Variants in DNAH8 observed in about 807,000 individuals in gnomAD.
The protein encoded by DNAH8 is axonemal beta dynein heavy chain 8.
A neutral mutation model predicts 562.1 loss-of-function variants in DNAH8; 382 were observed. The observed-to-expected ratio is 0.68, with a 90% CI of 0.63 to 0.74. The LOEUF is 0.74. DNAH8 is among the 30% of genes least tolerant of loss of function. The pLI is 0.00. For synonymous variants in DNAH8, 1,881 were observed against 1,919.4 expected (o/e 0.98, Z 0.52); for missense variants, 5,203 against 5,620.4 (o/e 0.93, Z 2.37).
rs111784032 is a variant in DNAH8 at position 38,794,311 on chromosome 6, A to ATT, written c.2901+2650_2901+2651dup. Among the ~76,000 whole-genome samples, 52 of 141,546 alleles carry ATT rather than the reference A, an allele frequency of 3.7e-4. 2 individuals carry two copies. In the South Asian group the frequency reaches 5.4e-3, roughly 15 times the overall value. The allele number at this position is 141,546 out of a possible 152,430, so 92.9% of individuals were successfully genotyped here. On this transcript the variant is annotated intron_variant, in intron 21 of 92. Transcript: ENST00000327475. ...CCCTTGTGAGGGATCCAAGGCCTTA[A>ATT]TTTTTTTTTTTTTTGGTTATGAAAA...
Position 38,850,309 on chromosome 6 carries a change from A to T in DNAH8, c.5258A>T (p.His1753Leu). The T allele has an allele frequency of 1.2e-6, 2 of 1,613,626 alleles. No homozygotes were observed. Among genetic ancestry groups the T allele is most frequent in the South Asian group, 1.1e-5 (1 of 91,058 alleles). ...TGGATAAAAATAATGCAGCGAGCTC[A>T]TGAGAATCCCAATGTGATTAATTGC... is the stretch of plus-strand genomic sequence containing the variant. ...KSWIKIMQRA[H>L]ENPNVINCCV... Residue 1753 changes from histidine (H) to leucine (L), a missense_variant, in exon 38 of 93, where the codon CAT becomes CTT. By Grantham distance (99) the His-to-Leu change is moderately conservative. Transcript: ENST00000327475.
chr6:38,924,683 C>G (rs1354072983), intron 73 of DNAH8, among the ~76,000 whole-genome samples: 2 of 152,156 alleles, frequency 1.3e-5, no homozygotes, highest in African/African-American at 2.4e-5. Context: ...ACTGAAAGAT[C>G]ATTTGAGAGA....
intron 3 of DNAH8, among the ~76,000 whole-genome samples, chr6:38,724,362 C>G (rs1763031753): frequency 6.6e-6 from 1 of 152,254 alleles, no homozygotes; most frequent in East Asian, 1.9e-4. Context: ...GGCTAAACTT[C>G]TAATTCAGAA....
At chr6:38,748,562 A>C (rs1765152070) in intron 8 of DNAH8, among the ~76,000 whole-genome samples, 1 of 152,044 alleles carries the variant, frequency 6.6e-6, no homozygotes, top group Non-Finnish European at 1.5e-5. Flanking sequence ...ATTCTCAAGC[A>C]GGCACTTGAT....
intron 91 of DNAH8, among the ~76,000 whole-genome samples, chr6:39,016,752 T>C (rs1364366109): frequency 2.0e-5 from 3 of 152,188 alleles, no homozygotes; most frequent in African/African-American, 7.2e-5. Flanking sequence ...TGGCATCTGA[T>C]GCTGTTTAGT....
At chr6:38,925,898 C>T (rs537977384) in intron 73 of DNAH8, among the ~76,000 whole-genome samples, 157 bp from the exon 74 acceptor site, 1 of 152,038 alleles carries the variant, frequency 6.6e-6, no homozygotes, top group South Asian at 2.1e-4. Flanking sequence ...ATTTGGTTCA[C>T]ATTTACAAGT....
At chr6:38,759,534 A>G (rs1582926689) in intron 10 of DNAH8, among the ~76,000 whole-genome samples, 1 of 152,118 alleles carries the variant, frequency 6.6e-6, no homozygotes, top group African/African-American at 2.4e-5. Context: ...CTTGCCATAT[A>G]TGTCCCACAT....
intron 82 of DNAH8, among the ~76,000 whole-genome samples, chr6:38,967,259 C>T (rs533870772): frequency 1.6e-4 from 24 of 151,548 alleles, no homozygotes; most frequent in African/African-American, 5.8e-4. Context: ...TTTTATTCAG[C>T]ATTGTATTGG....
chr6:38,831,595 T>C (rs1773843698), intron 30 of DNAH8, among the ~76,000 whole-genome samples: 1 of 152,154 alleles, frequency 6.6e-6, no homozygotes, highest in Non-Finnish European at 1.5e-5. Flanking sequence ...AATCTAAAGA[T>C]AGCTGCTATT....
intron 21 of DNAH8, among the ~76,000 whole-genome samples, chr6:38,793,462 T>C (rs1463413282): frequency 6.6e-6 from 1 of 152,236 alleles, no homozygotes; most frequent in African/African-American, 2.4e-5. Context: ...CCAGCTTTTT[T>C]CAGGTTACTA....
intron 32 of DNAH8, among the ~76,000 whole-genome samples, chr6:38,837,664 T>G (rs982363807): frequency 6.6e-6 from 1 of 152,190 alleles, no homozygotes; most frequent in African/African-American, 2.4e-5. Context: ...TACTTTTAGA[T>G]GTACTTATGG....
chr6:38,791,899 G>A (rs1322394957), intron 21 of DNAH8, among the ~76,000 whole-genome samples: 1 of 152,092 alleles, frequency 6.6e-6, no homozygotes, highest in African/African-American at 2.4e-5. Flanking sequence ...TAATGCTGGC[G>A]TTTCCTGGGG....
At chr6:38,808,631 A>T (rs761521578) in intron 24 of DNAH8, among the ~76,000 whole-genome samples, 1 of 152,344 alleles carries the variant, frequency 6.6e-6, no homozygotes, top group East Asian at 1.9e-4. Flanking sequence ...CAATAAAGAC[A>T]TATGCACACG....
At chr6:38,815,043 G>A (rs1044688247) in intron 25 of DNAH8, among the ~76,000 whole-genome samples, 1 of 152,058 alleles carries the variant, frequency 6.6e-6, no homozygotes, top group African/African-American at 2.4e-5. Context: ...AGCTTATTTG[G>A]CACATTTCAA....
intron 88 of DNAH8, among the ~76,000 whole-genome samples, chr6:39,001,026 G>A (rs1268093201): frequency 6.6e-6 from 1 of 152,136 alleles, no homozygotes; most frequent in East Asian, 1.9e-4. Flanking sequence ...CCAAGGAAGG[G>A]AATGCAAACA....
At chr6:38,939,054 C>A in intron 79 of DNAH8, 66 bp downstream of exon 79, 1 of 1,242,406 alleles carries the variant, frequency 8.0e-7, no homozygotes, top group South Asian at 1.7e-5. Context: ...CTTTGATATA[C>A]CATAAACCCA....
chr6:38,864,513 C>T (rs1776892065), intron 45 of DNAH8, among the ~76,000 whole-genome samples: 1 of 152,168 alleles, frequency 6.6e-6, no homozygotes, highest in Admixed American at 6.5e-5. Flanking sequence ...CTTTGTATGT[C>T]TTTACTCTAG....
At chr6:38,941,502 A>G (rs1220464236) in intron 79 of DNAH8, among the ~76,000 whole-genome samples, 1 of 152,052 alleles carries the variant, frequency 6.6e-6, no homozygotes, top group Non-Finnish European at 1.5e-5. Context: ...TGTGGTTCAT[A>G]TTTTTTTCAC....
chr6:38,730,750 G>A (rs796617778), intron 4 of DNAH8, among the ~76,000 whole-genome samples: 1 of 152,186 alleles, frequency 6.6e-6, no homozygotes, highest in Non-Finnish European at 1.5e-5. Flanking sequence ...ATCTGGACAC[G>A]CAGTACTTGT....
Sources: gnomAD v4.1 joint callset for allele counts (sites outside exome capture counted in the v4.1 genomes callset) on GRCh38, gnomAD v4.1.1 for gene constraint, MANE v1.5 for transcripts, NCBI Gene and HGNC (gene_info 2026-07-23, HGNC 2026-07-21) for gene names.